Variants in PDK1 observed in about 807,000 individuals in gnomAD.
PDK1 encodes the protein [Pyruvate dehydrogenase (acetyl-transferring)] kinase isozyme 1, mitochondrial.
Under a neutral mutation model 54.2 loss-of-function variants are expected in PDK1, and 39 were observed. That is an observed-to-expected ratio of 0.72 (90% CI 0.56 to 0.94). The LOEUF is 0.94. Among genes scored for constraint, PDK1 ranks in the 40% least tolerant of loss-of-function variants. PDK1 has a pLI of 0.00. For synonymous variants in PDK1, 221 were observed against 207.1 expected, an observed-to-expected ratio of 1.07 and a Z score of -0.58; for missense variants, 552 against 566.0, an observed-to-expected ratio of 0.98 and a Z score of 0.25.
chr2:172,713,164 T>C, the PDK1 span, among the ~76,000 whole-genome samples: 1 of 152,176 alleles, frequency 6.6e-6, no homozygotes, highest in Admixed American at 6.5e-5. Flanking sequence ...GAGAGGAGAC[T>C]CATGGTGGGT....
chr2:172,720,296 G>A, the PDK1 span, among the ~76,000 whole-genome samples: 6 of 152,056 alleles, frequency 3.9e-5, no homozygotes, highest in African/African-American at 1.4e-4. Flanking sequence ...TGTATTTTTA[G>A]TAGAGGCGAG....
chr2:172,687,110 T>C, the PDK1 span, among the ~76,000 whole-genome samples: 2 of 147,380 alleles, frequency 1.4e-5, no homozygotes, highest in African/African-American at 4.8e-5. Flanking sequence ...ATATATTATA[T>C]AGTAATATGT....
the PDK1 span, among the ~76,000 whole-genome samples, chr2:172,622,878 G>A: frequency 6.8e-6 from 1 of 147,508 alleles, no homozygotes; most frequent in South Asian, 2.1e-4. Context: ...TATGATATAT[G>A]TTTACATATT....
downstream of PDK1, among the ~76,000 whole-genome samples, chr2:172,610,687 T>C (rs575862163): frequency 2.1e-4 from 32 of 152,326 alleles, no homozygotes; most frequent in African/African-American, 6.5e-4. Context: ...CTCAGCTCAC[T>C]GCAACCTCTG....
At chr2:172,587,807 T>G (rs761959143) in intron 9 of PDK1, among the ~76,000 whole-genome samples, 1 of 152,212 alleles carries the variant, frequency 6.6e-6, no homozygotes, top group African/African-American at 2.4e-5. Context: ...TACAAACCTT[T>G]AGCTAGCTAG....
At chr2:172,574,512 A>G (rs1689472381) in intron 8 of PDK1, among the ~76,000 whole-genome samples, 1 of 152,222 alleles carries the variant, frequency 6.6e-6, no homozygotes, top group Non-Finnish European at 1.5e-5. Flanking sequence ...GCCATCTTAG[A>G]GTTAACAATA....
the PDK1 span, among the ~76,000 whole-genome samples, chr2:172,667,146 C>G: frequency 6.6e-6 from 1 of 151,972 alleles, no homozygotes; most frequent in Admixed American, 6.6e-5. Context: ...TTCAAGGGAA[C>G]TAGAAAAAGG....
chr2:172,586,377 G>A lies in PDK1; in HGVS notation c.1045G>A (p.Ala349Thr), dbSNP rs775981849. The change falls in exon 9 of 11, where the codon GCA becomes ACA. Residue 349 changes from alanine (A) to threonine (T), a missense_variant. By Grantham distance (58) the Ala-to-Thr change is moderately conservative. Coordinates refer to ENST00000282077, the MANE Select transcript of PDK1 (RefSeq NM_002610.5). ...APRPRVETSR[A>T]VPLAGFGYGL... is the part of the protein sequence containing the mutation. ...AAGACCTCGTGTTGAGACCTCCCGC[G>A]CAGTGCCTCTGGTATGTTATCAAGA... is the stretch of plus-strand genomic sequence containing the variant. The A allele has an allele frequency of 3.5e-5, 55 of 1,588,360 alleles. No individual in the cohort carries two copies. In the South Asian group the frequency reaches 4.0e-4, roughly 11 times the overall value.
the PDK1 span, among the ~76,000 whole-genome samples, chr2:172,660,548 T>A: frequency 6.6e-6 from 1 of 152,036 alleles, no homozygotes; most frequent in Non-Finnish European, 1.5e-5. Flanking sequence ...TGAGCCACAG[T>A]GCCTGGCCAA....
the PDK1 span, among the ~76,000 whole-genome samples, chr2:172,622,022 A>C: frequency 3.3e-5 from 5 of 149,816 alleles, no homozygotes; most frequent in African/African-American, 1.2e-4. Flanking sequence ...GCATGTTCAT[A>C]TCTCGTATAT....
rs1691176636 is a variant in PDK1 at position 172,603,299 on chromosome 2, A to T, written c.*7330A>T. On this transcript the variant is annotated 3_prime_UTR_variant, in exon 11 of 11. Coordinates refer to ENST00000282077, the MANE Select transcript of PDK1 (RefSeq NM_002610.5). ...TACTTAAAAAAGATAAGAAGGATCT[A>T]TTCCTGATATACAGGGTACTTGGTG... The T allele has an allele frequency of 2.0e-5, 3 of 152,226 alleles. No homozygotes were observed. 9.4% of individuals were successfully genotyped at this position (152,226 alleles called of 1,614,324 possible). A position where few individuals can be genotyped will look rare whatever the true frequency, so the allele number is the denominator to read the frequency against.
In PDK1 at chr2:172,558,846, G is replaced by T. The variant is rs1688501486; in HGVS notation, c.335G>T (p.Ser112Ile). Reference sequence around the variant, plus strand: ...ACACCATCCGTTCAATTGGTACAAAGCTGGTAAGATTCTCATCTTGTGTTT... The same window carrying T: ...ACACCATCCGTTCAATTGGTACAAATCTGGTAAGATTCTCATCTTGTGTTT... Reference protein sequence around the residue: ...LRTPSVQLVQSWYIQSLQELL... With the variant: ...LRTPSVQLVQIWYIQSLQELL... The change falls in exon 2 of 11, where the codon AGC becomes ATC. Residue 112 changes from serine (S) to isoleucine (I), a missense_variant. Physicochemically the swap from Ser to Ile is moderately radical, Grantham distance 142. Transcript: ENST00000282077. The T allele has an allele frequency of 7.5e-6, 12 of 1,609,572 alleles. No homozygotes were observed. The South Asian group carries it at 1.3e-4, about 18-fold the overall frequency.
At chr2:172,625,845 A>G in the PDK1 span, among the ~76,000 whole-genome samples, 1 of 152,206 alleles carries the variant, frequency 6.6e-6, no homozygotes, top group Non-Finnish European at 1.5e-5. Context: ...TTTTATGTAT[A>G]CGTATCTATG....
At chr2:172,648,109 A>C in the PDK1 span, among the ~76,000 whole-genome samples, 1 of 152,242 alleles carries the variant, frequency 6.6e-6, no homozygotes, top group African/African-American at 2.4e-5. Flanking sequence ...TGAAAACTGC[A>C]TGCAACGTGG....
At chr2:172,557,119 T>C (rs939161022) in intron 1 of PDK1, among the ~76,000 whole-genome samples, 1 of 152,248 alleles carries the variant, frequency 6.6e-6, no homozygotes. Context: ...CATTGAACGA[T>C]ACCTGCATGG....
chr2:172,566,738 T>A, intron 5 of PDK1, 118 bp from the exon 6 acceptor site: 5 of 476,190 alleles, frequency 1.0e-5, no homozygotes, highest in East Asian at 3.7e-5. Flanking sequence ...ACTATCAAAG[T>A]ATATTTTCTT....
In PDK1 at chr2:172,585,316, A is replaced by ATT. The variant is rs538241255; in HGVS notation, c.946-936_946-935dup. 6.4e-3 allele frequency among the ~76,000 whole-genome samples: 663 copies of ATT among 103,274 alleles called. 61 individuals carry two copies. Among genetic ancestry groups the ATT allele is most frequent in the African/African-American group, 0.024 (535 of 22,382 alleles). 67.8% of individuals were successfully genotyped at this position (103,274 alleles called of 152,430 possible). A position where few individuals can be genotyped will look rare whatever the true frequency, so the allele number is the denominator to read the frequency against. ...GCCCAGCCTAGTACATGCATTTTTAATTTTTTTTTTTTTTTTTTTTTTTTT... is the reference window on the plus strand; with the variant it reads ...GCCCAGCCTAGTACATGCATTTTTAATTTTTTTTTTTTTTTTTTTTTTTTTTT... On this transcript the variant is annotated intron_variant, in intron 8 of 10. Coordinates refer to ENST00000282077, the MANE Select transcript of PDK1 (RefSeq NM_002610.5).
the PDK1 span, among the ~76,000 whole-genome samples, chr2:172,618,001 G>A: frequency 6.6e-6 from 1 of 152,030 alleles, no homozygotes; most frequent in Non-Finnish European, 1.5e-5. Context: ...ACTTTTAGGG[G>A]TTATATAGTT....
intron 2 of PDK1, among the ~76,000 whole-genome samples, chr2:172,560,589 G>C (rs1029819404): frequency 3.3e-5 from 5 of 152,154 alleles, no homozygotes; most frequent in Admixed American, 1.3e-4. Context: ...GCTATACCGT[G>C]CTATAGTCAG....
Sources: allele counts gnomAD v4.1 joint callset (sites outside exome capture counted in the v4.1 genomes callset), GRCh38; gene constraint gnomAD v4.1.1; transcripts MANE v1.5; gene names NCBI Gene and HGNC (gene_info 2026-07-23, HGNC 2026-07-21).